CCDC85C: variants seen among roughly 807,000 people sequenced by gnomAD.
CCDC85C encodes the protein coiled-coil domain-containing protein 85C.
CCDC85C carries 18 observed loss-of-function variants against 38.3 expected under a neutral mutation model. That is an observed-to-expected ratio of 0.47 (90% CI 0.33 to 0.70). CCDC85C has a LOEUF of 0.70. Among genes scored for constraint, CCDC85C ranks in the 30% least tolerant of loss-of-function variants. The probability of loss-of-function intolerance (pLI) is 0.03; values close to 1 mark genes in which losing one functional copy is unlikely to be tolerated. For synonymous variants in CCDC85C, 264 were observed against 293.8 expected, an observed-to-expected ratio of 0.90 and a Z score of 1.04; for missense variants, 566 against 621.2, an observed-to-expected ratio of 0.91 and a Z score of 0.94.
intron 1 of CCDC85C, among the ~76,000 whole-genome samples, chr14:99,578,752 T>C (rs1300055186): frequency 1.3e-5 from 2 of 152,200 alleles, no homozygotes; most frequent in African/African-American, 4.8e-5. Flanking sequence ...GACAGGACAA[T>C]TTTATTTCCT....
chr14:99,515,663 A>G (rs1056802923), intron 5 of CCDC85C, among the ~76,000 whole-genome samples: 5 of 152,018 alleles, frequency 3.3e-5, no homozygotes, highest in African/African-American at 4.8e-5. Context: ...TTCAGACCCT[A>G]TGAAACTCCT....
chr14:99,532,347 T>C lies in CCDC85C; in HGVS notation c.867+3668A>G, dbSNP rs1897509159. 2.0e-5 allele frequency among the ~76,000 whole-genome samples: 3 copies of C among 152,222 alleles called. No homozygotes were observed. In the South Asian group the frequency reaches 6.2e-4, roughly 32 times the overall value. On this transcript the variant is annotated intron_variant, in intron 2 of 5. Transcript: ENST00000380243. Reference sequence around the variant, plus strand: ...ACCACTTTCCTCACAGGCAGTGCCCTGCCACGAGCTCTCTTCACCTCCCCT... The same window carrying C: ...ACCACTTTCCTCACAGGCAGTGCCCCGCCACGAGCTCTCTTCACCTCCCCT...
Position 99,548,713 on chromosome 14 carries a change from C to A in CCDC85C, c.794-12625G>T, listed in dbSNP as rs181968490. Among the ~76,000 whole-genome samples the A allele has an allele frequency of 3.9e-5, 6 of 152,078 alleles. No individual in the cohort carries two copies. The highest frequency in any genetic ancestry group is 8.8e-5 in the Non-Finnish European group (6 of 68,028). Reference sequence around the variant, plus strand: ...GCACACTCCTATAGTCCCAGGTACTCGGGAGACCGAGGCGGGAGGCGTGCT... The same window carrying A: ...GCACACTCCTATAGTCCCAGGTACTAGGGAGACCGAGGCGGGAGGCGTGCT... On this transcript the variant is annotated intron_variant, in intron 1 of 5. Transcript: ENST00000380243. This position sits in a 1 kb window ranked among gnomAD's most constrained non-coding sequence, Gnocchi z 4.9.
At position 99,516,950 on chromosome 14, in the gene CCDC85C, C is replaced by T; in HGVS notation, c.1071+138G>A. ...TTCAACCTCACAGTGCTCCAGGCAGCCATGGTCACCCAGCCACCCACACAC... is the reference window on the plus strand; with the variant it reads ...TTCAACCTCACAGTGCTCCAGGCAGTCATGGTCACCCAGCCACCCACACAC... On this transcript the variant is annotated intron_variant, in intron 4 of 5. Coordinates refer to ENST00000380243, the MANE Select transcript of CCDC85C (RefSeq NM_001144995.2). The surrounding 1 kb of genome is among the most constrained non-coding windows in gnomAD (Gnocchi z 5.5). 1 of 785,264 alleles carries T rather than the reference C, an allele frequency of 1.3e-6. No homozygotes were observed. The highest frequency in any genetic ancestry group is 2.7e-5 in the East Asian group (1 of 37,442). The allele number at this position is 785,264 out of a possible 1,614,324, so 48.6% of individuals were successfully genotyped here. A position where few individuals can be genotyped will look rare whatever the true frequency, so the allele number is the denominator to read the frequency against.
At chr14:99,527,379 C>T (rs1595342748) in intron 2 of CCDC85C, among the ~76,000 whole-genome samples, 3 of 152,110 alleles carry the variant, frequency 2.0e-5, no homozygotes, top group African/African-American at 2.4e-5. Context: ...AGTGTCAGCT[C>T]GGGCATGGGG....
Position 99,507,054 on chromosome 14 carries a change from C to A in CCDC85C, c.*8192G>T, listed in dbSNP as rs1896993013. On this transcript the variant is annotated 3_prime_UTR_variant, in exon 6 of 6. Transcript: ENST00000380243. ...CATGTGAAGAAGTATGAGTGGTTTT[C>A]TAATCTGCTTTTTCTTTGTAGAACC... 2 of 1,494,476 alleles carry A rather than the reference C, an allele frequency of 1.3e-6. No homozygotes were observed. The highest frequency in any genetic ancestry group is 2.8e-5 in the African/African-American group (2 of 72,540). The allele number at this position is 1,494,476 out of a possible 1,614,324, so 92.6% of individuals were successfully genotyped here.
intron 1 of CCDC85C, among the ~76,000 whole-genome samples, chr14:99,536,768 C>T (rs913106678): frequency 6.6e-6 from 1 of 152,210 alleles, no homozygotes; most frequent in Admixed American, 6.5e-5. Flanking sequence ...CCTATCTATG[C>T]AGACCACTGG....
intron 1 of CCDC85C, among the ~76,000 whole-genome samples, chr14:99,551,778 G>A (rs998870159): frequency 1.9e-4 from 29 of 152,182 alleles, no homozygotes; most frequent in Admixed American, 4.6e-4. Context: ...GCAGGTGAGT[G>A]CAGGCTGAGA....
At chr14:99,553,332 C>T (rs1274610765) in intron 1 of CCDC85C, among the ~76,000 whole-genome samples, 1 of 149,782 alleles carries the variant, frequency 6.7e-6, no homozygotes, top group African/African-American at 2.5e-5. Context: ...TCAAATCTCA[C>T]ACGGGGGCCA....
At chr14:99,579,304 G>A (rs574133723) in intron 1 of CCDC85C, among the ~76,000 whole-genome samples, 3 of 152,386 alleles carry the variant, frequency 2.0e-5, no homozygotes, top group African/African-American at 4.8e-5. Context: ...CGTCCTGGAC[G>A]CAGTGTCCCT....
intron 1 of CCDC85C, among the ~76,000 whole-genome samples, chr14:99,568,309 A>ATGG: frequency 7.4e-6 from 1 of 135,240 alleles, no homozygotes; most frequent in Non-Finnish European, 1.5e-5. Context: ...CTGGAGTGCA[A>ATGG]TGGCACGATC....
intron 1 of CCDC85C, among the ~76,000 whole-genome samples, chr14:99,573,521 C>A (rs1327996067): frequency 6.6e-6 from 1 of 152,236 alleles, no homozygotes; most frequent in Non-Finnish European, 1.5e-5. Flanking sequence ...GCCTCAGTCT[C>A]CCCATGGAGG....
rs1014511140 is a variant in CCDC85C at position 99,516,814 on chromosome 14, C to T, written c.1071+274G>A. ...TCTAGCCCCACTCCTGCCCCTCTCT[C>T]TCTGGCCTTAGTTGGGTGCCTGCCC... is the stretch of plus-strand genomic sequence containing the variant. On this transcript the variant is annotated intron_variant, in intron 4 of 5. Transcript: ENST00000380243. The surrounding 1 kb of genome is among the most constrained non-coding windows in gnomAD (Gnocchi z 5.5). Among the ~76,000 whole-genome samples the T allele has an allele frequency of 2.0e-5, 3 of 152,138 alleles. No individual in the cohort carries two copies. The highest frequency in any genetic ancestry group is 4.4e-5 in the Non-Finnish European group (3 of 68,018).
Position 99,503,722 on chromosome 14 carries a change from T to C in CCDC85C, c.*11524A>G. 7.8e-7 allele frequency: 1 copy of C among 1,276,728 alleles called. No individual in the cohort carries two copies. Among genetic ancestry groups the C allele is most frequent in the African/African-American group, 1.5e-5 (1 of 66,598 alleles). 79.1% of individuals were successfully genotyped at this position (1,276,728 alleles called of 1,614,324 possible). A position where few individuals can be genotyped will look rare whatever the true frequency, so the allele number is the denominator to read the frequency against. On this transcript the variant is annotated 3_prime_UTR_variant, in exon 6 of 6. Coordinates refer to ENST00000380243, the MANE Select transcript of CCDC85C (RefSeq NM_001144995.2). ...TTAAATTCTTAGCCAACATTGTTTCTTTTCAGATCTAAATTGGCCTTAAAT... is the reference window on the plus strand; with the variant it reads ...TTAAATTCTTAGCCAACATTGTTTCCTTTCAGATCTAAATTGGCCTTAAAT...
At position 99,535,977 on chromosome 14, in the gene CCDC85C, C is replaced by A. The variant is rs1897588836; in HGVS notation, c.867+38G>T. On this transcript the variant is annotated intron_variant, in intron 2 of 5. Coordinates refer to ENST00000380243, the MANE Select transcript of CCDC85C (RefSeq NM_001144995.2). This position sits in a 1 kb window ranked among gnomAD's most constrained non-coding sequence, Gnocchi z 5.5. ...TGAGCTGGAGGGGTGGGTGCTGGGTCGCGGTCCTCAAGGCAGCGCCACCCG... is the reference window on the plus strand; with the variant it reads ...TGAGCTGGAGGGGTGGGTGCTGGGTAGCGGTCCTCAAGGCAGCGCCACCCG... The A allele has an allele frequency of 6.7e-7, 1 of 1,494,104 alleles. No individual in the cohort carries two copies. Among genetic ancestry groups the A allele is most frequent in the Non-Finnish European group, 9.1e-7 (1 of 1,096,376 alleles). 92.6% of individuals were successfully genotyped at this position (1,494,104 alleles called of 1,614,324 possible). A position where few individuals can be genotyped will look rare whatever the true frequency, so the allele number is the denominator to read the frequency against.
chr14:99,572,667 C>T lies in CCDC85C; in HGVS notation c.793+30500G>A, dbSNP rs1898377841. ...CCAAGCCCCAGGTGACCTGGCCCCT[C>T]CTTAAGAGGCCTCCCCTGCCACCAT... On this transcript the variant is annotated intron_variant, in intron 1 of 5. Transcript: ENST00000380243. This position sits in a 1 kb window ranked among gnomAD's most constrained non-coding sequence, Gnocchi z 4.4. 1 of 455,888 alleles carries T rather than the reference C, an allele frequency of 2.2e-6. No individual in the cohort carries two copies. Among genetic ancestry groups the T allele is most frequent in the Admixed American group, 2.4e-5 (1 of 42,550 alleles). 28.2% of individuals were successfully genotyped at this position (455,888 alleles called of 1,614,324 possible).
chr14:99,580,237 C>T (rs2054951972), intron 1 of CCDC85C: 1 of 414,240 alleles, frequency 2.4e-6, no homozygotes. Context: ...AGGGACACAG[C>T]CCACGTGCAC....
In CCDC85C at chr14:99,500,680, T is replaced by A. The variant is rs1896802688; in HGVS notation, c.*14566A>T. ...GCTAAAATATAACTTGAAGAGAGAA[T>A]AAATAGACAGGAAAGCTCACTTTTG... On this transcript the variant is annotated 3_prime_UTR_variant, in exon 6 of 6. Transcript: ENST00000380243. The A allele has an allele frequency of 1.1e-6, 1 of 871,980 alleles. No individual in the cohort carries two copies. The highest frequency in any genetic ancestry group is 1.9e-6 in the Non-Finnish European group (1 of 533,320). The allele number at this position is 871,980 out of a possible 1,614,324, so 54.0% of individuals were successfully genotyped here. A position where few individuals can be genotyped will look rare whatever the true frequency, so the allele number is the denominator to read the frequency against.
At position 99,502,992 on chromosome 14, in the gene CCDC85C, G is replaced by A. The variant is rs1369596449; in HGVS notation, c.*12254C>T. 1.2e-6 allele frequency: 2 copies of A among 1,613,916 alleles called. No homozygotes were observed. The highest frequency in any genetic ancestry group is 2.2e-5 in the East Asian group (1 of 44,876). On this transcript the variant is annotated 3_prime_UTR_variant, in exon 6 of 6. Transcript: ENST00000380243. Reference sequence around the variant, plus strand: ...CAGGTTAAGCGAGCCGTGGTGAGTGGGCTAAAGCAGGCCCTGGGTAGAGCA... The same window carrying A: ...CAGGTTAAGCGAGCCGTGGTGAGTGAGCTAAAGCAGGCCCTGGGTAGAGCA...
Sources: allele counts gnomAD v4.1 joint callset (sites outside exome capture counted in the v4.1 genomes callset), GRCh38; gene constraint gnomAD v4.1.1; non-coding constraint Gnocchi (gnomAD v3.1); transcripts MANE v1.5; gene names NCBI Gene and HGNC (gene_info 2026-07-23, HGNC 2026-07-21).